The following SPAG16 variants were observed in gnomAD, a reference collection of about 807,000 sequenced individuals.
The protein encoded by SPAG16 is sperm-associated antigen 16 protein.
A neutral mutation model predicts 80.4 loss-of-function variants in SPAG16; 86 were observed. That is an observed-to-expected ratio of 1.07 (90% CI 0.90 to 1.28). The LOEUF (loss-of-function observed/expected upper bound fraction) is 1.28. Among genes scored for constraint, SPAG16 ranks in the 50% most tolerant of loss-of-function variants. The probability of loss-of-function intolerance (pLI) is 0.00; values close to 1 mark genes in which losing one functional copy is unlikely to be tolerated. For synonymous variants in SPAG16, 294 were observed against 265.9 expected, an observed-to-expected ratio of 1.11 and a Z score of -1.03; for missense variants, 870 against 765.3, an observed-to-expected ratio of 1.14 and a Z score of -1.61.
intron 15 of SPAG16, among the ~76,000 whole-genome samples, chr2:214,222,513 A>G (rs932266619): frequency 5.3e-5 from 8 of 152,214 alleles, no homozygotes; most frequent in Non-Finnish European, 8.8e-5. Flanking sequence ...CAGCCAAATT[A>G]TAGCCTTAAA....
chr2:213,813,448 G>A (rs2072304712), intron 10 of SPAG16, among the ~76,000 whole-genome samples: 2 of 152,044 alleles, frequency 1.3e-5, no homozygotes, highest in African/African-American at 4.8e-5. Flanking sequence ...AAAGATGGAG[G>A]GCAGGCGGGA....
intron 9 of SPAG16, among the ~76,000 whole-genome samples, chr2:213,471,788 C>T (rs982438496): frequency 6.6e-6 from 1 of 152,162 alleles, no homozygotes. Flanking sequence ...GCCACAGTAA[C>T]ACACCCATAT....
At chr2:214,371,137 G>A (rs1699788959) in intron 15 of SPAG16, among the ~76,000 whole-genome samples, 1 of 152,146 alleles carries the variant, frequency 6.6e-6, no homozygotes, top group African/African-American at 2.4e-5. Context: ...CCAGAATGTA[G>A]ACTAACGTTG....
At chr2:213,437,204 T>C (rs765672157) in intron 9 of SPAG16, among the ~76,000 whole-genome samples, 1 of 152,178 alleles carries the variant, frequency 6.6e-6, no homozygotes, top group Non-Finnish European at 1.5e-5. Context: ...TGGCCAAAAA[T>C]GAGAAACTCT....
chr2:213,645,056 A>G (rs531835917), intron 10 of SPAG16, among the ~76,000 whole-genome samples: 1 of 152,292 alleles, frequency 6.6e-6, no homozygotes, highest in East Asian at 1.9e-4. Context: ...GCTAGCTCTC[A>G]AATCACTTGA....
At chr2:213,794,450 A>T (rs2070895753) in intron 10 of SPAG16, among the ~76,000 whole-genome samples, 1 of 152,086 alleles carries the variant, frequency 6.6e-6, no homozygotes, top group Non-Finnish European at 1.5e-5. Context: ...TTAAGAATAG[A>T]TTCCTTTTCT....
chr2:213,429,429 C>T (rs75863261), intron 9 of SPAG16, among the ~76,000 whole-genome samples: 610 of 152,248 alleles, frequency 4.0e-3, no homozygotes, highest in Middle Eastern at 0.017. Context: ...AGCTAATTGC[C>T]TGGGACAATG....
At chr2:213,970,355 G>T (rs540210967) in intron 12 of SPAG16, among the ~76,000 whole-genome samples, 3 of 151,228 alleles carry the variant, frequency 2.0e-5, no homozygotes, top group African/African-American at 7.3e-5. Flanking sequence ...TACCCAGGCT[G>T]GAGTGCAATG....
intron 10 of SPAG16, among the ~76,000 whole-genome samples, chr2:213,823,028 A>G (rs1376592790): frequency 1.3e-5 from 2 of 152,210 alleles, no homozygotes; most frequent in Admixed American, 6.5e-5. Context: ...TAGTGCTGCA[A>G]TAAACGTAAG....
At chr2:213,703,885 A>G (rs1377665285) in intron 10 of SPAG16, among the ~76,000 whole-genome samples, 1 of 152,218 alleles carries the variant, frequency 6.6e-6, no homozygotes, top group African/African-American at 2.4e-5. Flanking sequence ...CCAATCCTGC[A>G]TTCCCCTTGT....
At chr2:214,067,128 C>T (rs972190988) in intron 13 of SPAG16, among the ~76,000 whole-genome samples, 1 of 152,096 alleles carries the variant, frequency 6.6e-6, no homozygotes, top group African/African-American at 2.4e-5. Context: ...AACTTTTCAG[C>T]TTTCTATGTG....
At chr2:214,062,063 T>A (rs1029950364) in intron 13 of SPAG16, among the ~76,000 whole-genome samples, 4 of 151,440 alleles carry the variant, frequency 2.6e-5, no homozygotes, top group Non-Finnish European at 4.4e-5. Context: ...CAGTGATATG[T>A]TAAAATGTAT....
intron 10 of SPAG16, among the ~76,000 whole-genome samples, chr2:213,695,473 C>A (rs951574806): frequency 6.6e-6 from 1 of 152,148 alleles, no homozygotes; most frequent in African/African-American, 2.4e-5. Flanking sequence ...TTTGGCCACA[C>A]CAATGAGTAA....
intron 9 of SPAG16, among the ~76,000 whole-genome samples, chr2:213,387,758 A>G (rs1447307346): frequency 6.6e-6 from 1 of 151,906 alleles, no homozygotes; most frequent in Non-Finnish European, 1.5e-5. Flanking sequence ...CCGGCCATGC[A>G]TGCTCTTTTA....
intron 10 of SPAG16, among the ~76,000 whole-genome samples, chr2:213,777,794 C>T (rs1036064873): frequency 2.0e-5 from 3 of 152,170 alleles, no homozygotes; most frequent in Non-Finnish European, 4.4e-5. Context: ...GCCTCGGCCT[C>T]TCAAAGTGCT....
At chr2:213,866,590 A>C (rs1188404768) in intron 11 of SPAG16, among the ~76,000 whole-genome samples, 1 of 152,158 alleles carries the variant, frequency 6.6e-6, no homozygotes. Flanking sequence ...TGGAACAGCT[A>C]AAACTCTTAA....
At chr2:213,548,436 A>G (rs2076684107) in intron 10 of SPAG16, among the ~76,000 whole-genome samples, 1 of 151,930 alleles carries the variant, frequency 6.6e-6, no homozygotes, top group Non-Finnish European at 1.5e-5. Context: ...TAGTCTCAGT[A>G]TCTTGACCTC....
At chr2:213,539,402 T>C (rs2076354375) in intron 10 of SPAG16, among the ~76,000 whole-genome samples, 1 of 152,166 alleles carries the variant, frequency 6.6e-6, no homozygotes, top group Non-Finnish European at 1.5e-5. Flanking sequence ...AAGTTCAAAG[T>C]GAAATTTAGC....
chr2:213,446,361 G>A (rs2071309773), intron 9 of SPAG16, among the ~76,000 whole-genome samples: 1 of 152,158 alleles, frequency 6.6e-6, no homozygotes, highest in Non-Finnish European at 1.5e-5. Context: ...TGATTGAAGA[G>A]TTTAAAGATG....
Sources: gnomAD v4.1 joint callset for allele counts (sites outside exome capture counted in the v4.1 genomes callset) on GRCh38, gnomAD v4.1.1 for gene constraint, MANE v1.5 for transcripts, NCBI Gene and HGNC (gene_info 2026-07-23, HGNC 2026-07-21) for gene names.